Variants in NDST1 observed in about 807,000 individuals in gnomAD.
NDST1 encodes the protein bifunctional heparan sulfate N-deacetylase/N-sulfotransferase 1.
A neutral mutation model predicts 92.8 loss-of-function variants in NDST1; 35 were observed. The observed-to-expected ratio is 0.38, with a 90% CI of 0.29 to 0.50. The LOEUF is 0.50. Ranked by LOEUF, NDST1 falls within the 20% of genes least tolerant of loss-of-function variation. NDST1 has a pLI of 0.94. For missense variants in NDST1, 822 were observed against 1,182.7 expected, an observed-to-expected ratio of 0.69 and a Z score of 4.47; for synonymous variants, 493 against 500.3, an observed-to-expected ratio of 0.99 and a Z score of 0.19.
At position 150,557,247 on chromosome 5, in the gene NDST1, GCTCTGGA is replaced by G. The variant is rs1327946376; in HGVS notation, c.*3916_*3922del. ...TGGGCCTTGGAAGGAAGGACACAGG[GCTCTGGA>G]AGGAGGAGGCTGCATGCCTGAAGGC... On this transcript the variant is annotated 3_prime_UTR_variant, in exon 15 of 15. Coordinates refer to ENST00000261797, the MANE Select transcript of NDST1 (RefSeq NM_001543.5). The surrounding 1 kb of genome is among the most constrained non-coding windows in gnomAD (Gnocchi z 4.7). 3.3e-5 allele frequency: 5 copies of G among 152,708 alleles called. No individual in the cohort carries two copies. The highest frequency in any genetic ancestry group is 1.2e-4 in the African/African-American group (5 of 41,456). 9.5% of individuals were successfully genotyped at this position (152,708 alleles called of 1,614,324 possible).
chr5:150,553,101 A>G lies in NDST1; in HGVS notation c.2530-112A>G. ...GGTGATCCACATGCCTCGGCCTCCC[A>G]AAGTGCTGGGATTACAGGCATGAGC... On this transcript the variant is annotated intron_variant, in intron 14 of 14. Coordinates refer to ENST00000261797, the MANE Select transcript of NDST1 (RefSeq NM_001543.5). This position sits in a 1 kb window ranked among gnomAD's most constrained non-coding sequence, Gnocchi z 4.2. 1.7e-6 allele frequency: 2 copies of G among 1,161,292 alleles called. No individual in the cohort carries two copies. Among genetic ancestry groups the G allele is most frequent in the South Asian group, 1.2e-5 (1 of 82,428 alleles). 71.9% of individuals were successfully genotyped at this position (1,161,292 alleles called of 1,614,324 possible). A position where few individuals can be genotyped will look rare whatever the true frequency, so the allele number is the denominator to read the frequency against.
intron 1 of NDST1, among the ~76,000 whole-genome samples, chr5:150,512,737 G>C (rs1753782370): frequency 6.6e-6 from 1 of 152,220 alleles, no homozygotes; most frequent in African/African-American, 2.4e-5. Flanking sequence ...CCATGTGCCA[G>C]GCACTGAGCT....
chr5:150,501,403 G>T (rs1189590981), intron 1 of NDST1, among the ~76,000 whole-genome samples: 1 of 152,200 alleles, frequency 6.6e-6, no homozygotes, highest in Admixed American at 6.5e-5. Flanking sequence ...TGGCCAAAAG[G>T]AGAGGAAAAG....
Position 150,533,033 on chromosome 5 carries a change from G to A in NDST1, c.1096+1G>A. ...TACTCAGGGAAATTCTTCCACACAG[G>A]TAAGTGGGCCTGCCCCTGCCCTCAC... is the stretch of plus-strand genomic sequence containing the variant. On this transcript the variant is annotated splice_donor_variant, in intron 4 of 14. Coordinates refer to ENST00000261797, the MANE Select transcript of NDST1 (RefSeq NM_001543.5). LOFTEE classifies it high-confidence loss of function. 6.2e-7 allele frequency: 1 copy of A among 1,613,962 alleles called. No individual in the cohort carries two copies. Among genetic ancestry groups the A allele is most frequent in the African/African-American group, 1.3e-5 (1 of 75,010 alleles).
chr5:150,510,570 C>G (rs1753678462), intron 1 of NDST1, among the ~76,000 whole-genome samples: 1 of 152,244 alleles, frequency 6.6e-6, no homozygotes, highest in African/African-American at 2.4e-5. Context: ...CAGCCCCACC[C>G]CCAGGCTGTC....
At position 150,542,902 on chromosome 5, in the gene NDST1, A is replaced by G. The variant is rs1251991217; in HGVS notation, c.1901A>G (p.Tyr634Cys). 3.1e-6 allele frequency: 5 copies of G among 1,614,022 alleles called. No homozygotes were observed. Among genetic ancestry groups the G allele is most frequent in the Non-Finnish European group, 4.2e-6 (5 of 1,179,994 alleles). ...LGMHPDLSSN[Y>C]PSSETFEEIQ... ...ATGCACCCTGACCTAAGCAGCAACT[A>G]CCCCAGCTCTGAGACCTTTGAGGAG... Residue 634 changes from tyrosine to cysteine, a missense_variant, in exon 10 of 15, where the codon TAC (tyrosine) becomes TGC (cysteine). Coordinates refer to ENST00000261797, the MANE Select transcript of NDST1 (RefSeq NM_001543.5).
intron 1 of NDST1, 93 bp downstream of exon 1, chr5:150,508,319 C>CTG: frequency 8.7e-6 from 1 of 115,308 alleles, no homozygotes; most frequent in Non-Finnish European, 1.8e-5. Context: ...CCAGGTCCAT[C>CTG]TGAGTGTGTG....
chr5:150,534,804 C>G (rs976833173), intron 4 of NDST1, 63 bp from the exon 5 acceptor site: 11 of 1,603,320 alleles, frequency 6.9e-6, no homozygotes, highest in Non-Finnish European at 8.5e-6. Flanking sequence ...TCCCCAGGCA[C>G]AGGCCCAGGT....
At chr5:150,538,520 G>A (rs1317685802) in intron 6 of NDST1, among the ~76,000 whole-genome samples, 1 of 152,240 alleles carries the variant, frequency 6.6e-6, no homozygotes, top group Non-Finnish European at 1.5e-5. Flanking sequence ...AGTTAGGCCT[G>A]TGGTTAGATG....
At position 150,554,977 on chromosome 5, in the gene NDST1, C is replaced by T. The variant is rs984966312; in HGVS notation, c.*1645C>T. 6.6e-6 allele frequency: 1 copy of T among 152,542 alleles called. No individual in the cohort carries two copies. The highest frequency in any genetic ancestry group is 2.4e-5 in the African/African-American group (1 of 41,446). 9.4% of individuals were successfully genotyped at this position (152,542 alleles called of 1,614,324 possible). ...ACTTTCTGGAGAGGCTTGTCTTGTT[C>T]AGAAGACTCTAGCATCTTGGGGCTG... On this transcript the variant is annotated 3_prime_UTR_variant, in exon 15 of 15. Transcript: ENST00000261797.
At chr5:150,522,393 G>A (rs1429104686) in intron 2 of NDST1, among the ~76,000 whole-genome samples, 1 of 152,042 alleles carries the variant, frequency 6.6e-6, no homozygotes, top group African/African-American at 2.4e-5. Flanking sequence ...TGACCGCCGG[G>A]ATTGGGGTCC....
At chr5:150,532,170 C>T (rs535295347) in intron 3 of NDST1, among the ~76,000 whole-genome samples, 1 of 152,162 alleles carries the variant, frequency 6.6e-6, no homozygotes, top group Non-Finnish European at 1.5e-5. Flanking sequence ...CAGGGTCTTA[C>T]AGTTGGACCT....
intron 8 of NDST1, 47 bp from the exon 9 acceptor site, chr5:150,541,519 CACTG>C (rs756270982): frequency 6.6e-7 from 1 of 1,516,096 alleles, no homozygotes; most frequent in Non-Finnish European, 9.2e-7. Context: ...AGTGGGAGTC[CACTG>C]ACTGGGTTCT....
rs1466460317 is a variant in NDST1 at position 150,554,986 on chromosome 5, C to T, written c.*1654C>T. ...AGAGGCTTGTCTTGTTCAGAAGACT[C>T]TAGCATCTTGGGGCTGGAAGGTCCT... On this transcript the variant is annotated 3_prime_UTR_variant, in exon 15 of 15. Transcript: ENST00000261797. 6.6e-6 allele frequency: 1 copy of T among 152,596 alleles called. No homozygotes were observed. Among genetic ancestry groups the T allele is most frequent in the African/African-American group, 2.4e-5 (1 of 41,440 alleles). The allele number at this position is 152,596 out of a possible 1,614,324, so 9.5% of individuals were successfully genotyped here. A position where few individuals can be genotyped will look rare whatever the true frequency, so the allele number is the denominator to read the frequency against.
intron 8 of NDST1, 134 bp downstream of exon 8, chr5:150,540,398 C>G (rs1755190895): frequency 3.2e-6 from 3 of 952,284 alleles, no homozygotes; most frequent in Admixed American, 5.6e-5. Context: ...ACTCAGGTCC[C>G]CATCTACTTA....
At chr5:150,506,150 G>T (rs1418356247), upstream of NDST1, among the ~76,000 whole-genome samples, 1 of 152,172 alleles carries the variant, frequency 6.6e-6, no homozygotes, top group African/African-American at 2.4e-5. Context: ...TAGCTGTGTC[G>T]CACAGGTTGG....
chr5:150,521,212 A>G lies in NDST1; in HGVS notation c.-43A>G, dbSNP rs780738948. On this transcript the variant is annotated 5_prime_UTR_variant, in exon 2 of 15. Transcript: ENST00000261797. The surrounding 1 kb of genome is among the most constrained non-coding windows in gnomAD (Gnocchi z 5.9). ...TCCTGTGTGGGGCCTTGGGGTAGCC[A>G]GGGCAGGCCGGGCCTCCGGTGGCCA... 3.2e-6 allele frequency: 5 copies of G among 1,563,902 alleles called. No individual in the cohort carries two copies. In the East Asian group the frequency reaches 1.1e-4, roughly 35 times the overall value.
intron 10 of NDST1, among the ~76,000 whole-genome samples, chr5:150,544,830 A>G (rs1388742397): frequency 1.3e-5 from 2 of 152,174 alleles, no homozygotes; most frequent in African/African-American, 4.8e-5. Context: ...GTGACGGCCT[A>G]GAAGGTGTTC....
intron 1 of NDST1, among the ~76,000 whole-genome samples, chr5:150,512,420 A>G (rs1452147047): frequency 6.6e-6 from 1 of 152,226 alleles, no homozygotes. Flanking sequence ...GACCTCTAGA[A>G]ACCCTTGTGG....
Sources: allele counts gnomAD v4.1 joint callset (sites outside exome capture counted in the v4.1 genomes callset), GRCh38; gene constraint gnomAD v4.1.1; non-coding constraint Gnocchi (gnomAD v3.1); transcripts MANE v1.5; gene names NCBI Gene and HGNC (gene_info 2026-07-23, HGNC 2026-07-21).